The following RIT2 variants were observed in gnomAD, a reference collection of about 807,000 sequenced individuals.
RIT2 encodes Ras like without CAAX 2, also known as GTP-binding protein Rit2.
A neutral mutation model predicts 23.7 loss-of-function variants in RIT2; 24 were observed. That is an observed-to-expected ratio of 1.01 (90% CI 0.73 to 1.43). The LOEUF is 1.43. Among genes scored for constraint, RIT2 ranks in the 40% most tolerant of loss-of-function variants. RIT2 has a pLI of 0.00. For synonymous variants in RIT2, 107 were observed against 91.1 expected, an observed-to-expected ratio of 1.17 and a Z score of -0.99; for missense variants, 236 against 266.9, an observed-to-expected ratio of 0.88 and a Z score of 0.81.
At chr18:42,989,464 A>G (rs1455740775) in intron 2 of RIT2, among the ~76,000 whole-genome samples, 1 of 152,244 alleles carries the variant, frequency 6.6e-6, no homozygotes, top group Non-Finnish European at 1.5e-5. Flanking sequence ...GGATTAAATT[A>G]AATTTAATAT....
At chr18:42,832,018 A>T (rs996685386) in intron 4 of RIT2, among the ~76,000 whole-genome samples, 1 of 152,128 alleles carries the variant, frequency 6.6e-6, no homozygotes, top group Non-Finnish European at 1.5e-5. Flanking sequence ...CAAGCCACAA[A>T]TTATCATGTC....
intron 4 of RIT2, among the ~76,000 whole-genome samples, chr18:42,897,404 A>G (rs1908357778): frequency 6.6e-6 from 1 of 152,142 alleles, no homozygotes; most frequent in Non-Finnish European, 1.5e-5. Flanking sequence ...GTGATGGTAA[A>G]CAAAATAGAT....
At chr18:42,947,859 G>A (rs1909762867) in intron 3 of RIT2, among the ~76,000 whole-genome samples, 1 of 152,010 alleles carries the variant, frequency 6.6e-6, no homozygotes, top group Non-Finnish European at 1.5e-5. Flanking sequence ...AGAATAAAAT[G>A]TATATGTTTC....
At chr18:43,012,493 C>G (rs1044881919) in intron 2 of RIT2, among the ~76,000 whole-genome samples, 1 of 151,470 alleles carries the variant, frequency 6.6e-6, no homozygotes, top group African/African-American at 2.4e-5. Context: ...GAGAAAATAA[C>G]GAATTTTCAC....
intron 4 of RIT2, among the ~76,000 whole-genome samples, chr18:42,866,767 T>C (rs1244373839): frequency 6.6e-6 from 1 of 152,162 alleles, no homozygotes; most frequent in Non-Finnish European, 1.5e-5. Flanking sequence ...ATATTTAACC[T>C]CAGTATTATT....
chr18:42,820,722 A>G (rs1441524455), intron 4 of RIT2, among the ~76,000 whole-genome samples: 2 of 152,068 alleles, frequency 1.3e-5, no homozygotes, highest in African/African-American at 4.8e-5. Flanking sequence ...GATAGAAAAA[A>G]CTATGAGATA....
intron 4 of RIT2, among the ~76,000 whole-genome samples, chr18:42,822,676 T>C (rs937799656): frequency 2.6e-5 from 4 of 152,144 alleles, no homozygotes; most frequent in African/African-American, 9.7e-5. Context: ...GCATCCTGTT[T>C]TTTTCTGCTA....
intron 4 of RIT2, among the ~76,000 whole-genome samples, chr18:42,757,298 C>G (rs78041819): frequency 0.012 from 1,782 of 152,256 alleles, 36 homozygotes; most frequent in African/African-American, 0.04. Flanking sequence ...TAGAACATGG[C>G]CCTGCAGAAT....
At chr18:42,780,045 A>C (rs1286446845) in intron 4 of RIT2, among the ~76,000 whole-genome samples, 1 of 50,680 alleles carries the variant, frequency 2.0e-5, no homozygotes, top group African/African-American at 4.8e-5. Context: ...CTCAATTTAG[A>C]GGTTTTTTTT....
At chr18:43,071,206 C>A (rs970337342) in intron 1 of RIT2, among the ~76,000 whole-genome samples, 11 of 152,118 alleles carry the variant, frequency 7.2e-5, no homozygotes, top group African/African-American at 2.4e-4. Flanking sequence ...AAGTAAACAT[C>A]TTTTAAAAGT....
At chr18:43,097,483 G>A (rs1448892376) in intron 1 of RIT2, among the ~76,000 whole-genome samples, 1 of 151,852 alleles carries the variant, frequency 6.6e-6, no homozygotes, top group Non-Finnish European at 1.5e-5. Context: ...AGTTCTTGAA[G>A]AATAAGTGAA....
chr18:42,906,745 G>A (rs1485391415), intron 4 of RIT2, among the ~76,000 whole-genome samples: 1 of 152,128 alleles, frequency 6.6e-6, no homozygotes, highest in Non-Finnish European at 1.5e-5. Context: ...TTCAAAACCT[G>A]TCTTGTCTGC....
At chr18:43,089,337 A>T (rs553055012) in intron 1 of RIT2, among the ~76,000 whole-genome samples, 1 of 152,056 alleles carries the variant, frequency 6.6e-6, no homozygotes, top group East Asian at 1.9e-4. Context: ...TGCCATAAAA[A>T]AGAATAAAAT....
rs114278287 is a variant in RIT2 at position 43,063,450 on chromosome 18, A to T, written c.104-29583T>A. Among the ~76,000 whole-genome samples, 684 of 152,258 alleles carry T rather than the reference A, an allele frequency of 4.5e-3. 6 individuals are homozygous for T. Among genetic ancestry groups the T allele is most frequent in the African/African-American group, 0.016 (654 of 41,560 alleles). ...CCAATAACTTTCCATTTGTGTAAGA[A>T]CTTATTTTGGGACATTGATAACCCT... On this transcript the variant is annotated intron_variant, in intron 1 of 4. Transcript: ENST00000326695.
At chr18:42,926,003 C>T (rs544129356) in intron 3 of RIT2, among the ~76,000 whole-genome samples, 11 of 151,596 alleles carry the variant, frequency 7.3e-5, no homozygotes, top group Non-Finnish European at 1.3e-4. Flanking sequence ...TCCTTTTATT[C>T]TTATTATAGA....
At chr18:42,783,716 C>T (rs546538058) in intron 4 of RIT2, among the ~76,000 whole-genome samples, 2 of 152,102 alleles carry the variant, frequency 1.3e-5, no homozygotes, top group South Asian at 2.1e-4. Flanking sequence ...CATTTAATAG[C>T]TCATTTTCCC....
intron 4 of RIT2, among the ~76,000 whole-genome samples, chr18:42,867,321 G>T (rs1907498537): frequency 6.6e-6 from 1 of 152,070 alleles, no homozygotes; most frequent in African/African-American, 2.4e-5. Context: ...TCCTGATTCG[G>T]TAAGCCTGGA....
At chr18:42,993,023 G>T (rs971445991) in intron 2 of RIT2, among the ~76,000 whole-genome samples, 14 of 152,136 alleles carry the variant, frequency 9.2e-5, no homozygotes, top group African/African-American at 3.1e-4. Flanking sequence ...ATAGAAAAAA[G>T]TTGCAATTCC....
chr18:42,774,264 T>C (rs1913614994), intron 4 of RIT2, among the ~76,000 whole-genome samples: 1 of 152,212 alleles, frequency 6.6e-6, no homozygotes, highest in Admixed American at 6.5e-5. Context: ...TGCTTCACTT[T>C]GCTTTGCATT....
Sources: allele counts gnomAD v4.1 joint callset (sites outside exome capture counted in the v4.1 genomes callset), GRCh38; gene constraint gnomAD v4.1.1; transcripts MANE v1.5; gene names NCBI Gene and HGNC (gene_info 2026-07-23, HGNC 2026-07-21).